Variants in PTPN6 observed in about 807,000 individuals in gnomAD.
The protein encoded by PTPN6 is tyrosine-protein phosphatase non-receptor type 6.
Under a neutral mutation model 81.5 loss-of-function variants are expected in PTPN6, and 18 were observed. The observed-to-expected ratio is 0.22, with a 90% CI of 0.15 to 0.33. PTPN6 has a LOEUF of 0.33. PTPN6 is among the 10% of genes least tolerant of loss of function. The probability of loss-of-function intolerance (pLI) is 1.00; values close to 1 mark genes in which losing one functional copy is unlikely to be tolerated. For missense variants in PTPN6, 500 were observed against 794.2 expected (o/e 0.63, Z 4.45); for synonymous variants, 301 against 310.9 (o/e 0.97, Z 0.33).
In PTPN6 at chr12:6,959,466, C is replaced by A; in HGVS notation, c.1362-461C>A. On this transcript the variant is annotated intron_variant, in intron 11 of 15. Coordinates refer to ENST00000318974, the MANE Select transcript of PTPN6 (RefSeq NM_002831.6). The surrounding 1 kb of genome is among the most constrained non-coding windows in gnomAD (Gnocchi z 6.6). ...GTCCCCTGACCCTGTGCCCCCGCAC[C>A]CTGCTGTCTCAGGGCTATCCTTTCC... 3.8e-6 allele frequency: 1 copy of A among 265,084 alleles called. No homozygotes were observed. Among genetic ancestry groups the A allele is most frequent in the East Asian group, 1.0e-4 (1 of 9,860 alleles). The allele number at this position is 265,084 out of a possible 1,614,324, so 16.4% of individuals were successfully genotyped here.
In PTPN6 at chr12:6,959,623, C is replaced by G. The variant is rs376256848; in HGVS notation, c.1362-304C>G. The G allele has an allele frequency of 3.3e-3, 1,829 of 552,164 alleles. 28 individuals are homozygous for G. Among genetic ancestry groups the G allele is most frequent in the African/African-American group, 0.031 (1,625 of 52,964 alleles). The allele number at this position is 552,164 out of a possible 1,614,324, so 34.2% of individuals were successfully genotyped here. A position where few individuals can be genotyped will look rare whatever the true frequency, so the allele number is the denominator to read the frequency against. On this transcript the variant is annotated intron_variant, in intron 11 of 15. Transcript: ENST00000318974. The surrounding 1 kb of genome is among the most constrained non-coding windows in gnomAD (Gnocchi z 6.6). The stretch of plus-strand genomic sequence containing the variant: ...GGACAGTGGTGGGATTTGGGGGTCC[C>G]AGGTCTTCCGGGGTGGGGGCAGCCA...
rs782302331 is a variant in PTPN6 at position 6,955,406 on chromosome 12, T to C, written c.668T>C (p.Ile223Thr). Residue 223 changes from isoleucine to threonine, a missense_variant, in exon 6 of 16, where the codon ATT becomes ACT. By Grantham distance (89) the Ile-to-Thr change is moderately conservative (BLOSUM62 -1). Transcript: ENST00000318974. This position sits in a 1 kb window ranked among gnomAD's most constrained non-coding sequence, Gnocchi z 7.2. ...GCCACGAGGGTGAATGCGGCTGACA[T>C]TGAGAACCGAGTGTTGGAACTGAAC... ...YYATRVNAAD[I>T]ENRVLELNKK... is the part of the protein sequence containing the mutation. 6.2e-7 allele frequency: 1 copy of C among 1,614,062 alleles called. No individual in the cohort carries two copies. The highest frequency in any genetic ancestry group is 8.5e-7 in the Non-Finnish European group (1 of 1,179,996).
chr12:6,955,056 G>A lies in PTPN6; in HGVS notation c.516+62G>A. On this transcript the variant is annotated intron_variant, in intron 4 of 15. Transcript: ENST00000318974. The surrounding 1 kb of genome is among the most constrained non-coding windows in gnomAD (Gnocchi z 7.2). ...GCTCCTGTCTGTGACCACAGTGTGG[G>A]TGGCAGGGAGGGTCTGCCTGGGCTT... The A allele has an allele frequency of 1.9e-6, 3 of 1,609,462 alleles. No homozygotes were observed. In the South Asian group the frequency reaches 3.3e-5, roughly 18 times the overall value.
Position 6,952,282 on chromosome 12 carries a change from ATCCCC to A in PTPN6, c.326+115_326+119del. 5 of 1,367,282 alleles carry A rather than the reference ATCCCC, an allele frequency of 3.7e-6. No homozygotes were observed. The highest frequency in any genetic ancestry group is 4.1e-6 in the Non-Finnish European group (4 of 967,996). 84.7% of individuals were successfully genotyped at this position (1,367,282 alleles called of 1,614,324 possible). ...TGGCAGCCGGCGCTGCCTACCCTCC[ATCCCC>A]TCCCCTCCCTGCACCAGCTGGGGCT... is the stretch of plus-strand genomic sequence containing the variant. On this transcript the variant is annotated intron_variant, in intron 3 of 15. Coordinates refer to ENST00000318974, the MANE Select transcript of PTPN6 (RefSeq NM_002831.6). This position sits in a 1 kb window ranked among gnomAD's most constrained non-coding sequence, Gnocchi z 8.1.
Position 6,955,686 on chromosome 12 carries a change from C to G in PTPN6, c.774C>G (p.Asn258Lys). Residue 258 changes from asparagine (N) to lysine (K), a missense_variant, in exon 7 of 16, where the codon AAC becomes AAG. Coordinates refer to ENST00000318974, the MANE Select transcript of PTPN6 (RefSeq NM_002831.6). The surrounding 1 kb of genome is among the most constrained non-coding windows in gnomAD (Gnocchi z 7.2). ...FESLQKQEVK[N>K]LHQRLEGQRP... ...GTTTGCAGAAGCAGGAGGTGAAGAACTTGCACCAGCGTCTGGAAGGGCAGC... is the reference window on the plus strand; with the variant it reads ...GTTTGCAGAAGCAGGAGGTGAAGAAGTTGCACCAGCGTCTGGAAGGGCAGC... 6.2e-7 allele frequency: 1 copy of G among 1,614,044 alleles called. No individual in the cohort carries two copies. The highest frequency in any genetic ancestry group is 8.5e-7 in the Non-Finnish European group (1 of 1,179,998).
intron 3 of PTPN6, chr12:6,953,669 T>C (rs1351636389): frequency 1.3e-5 from 2 of 152,630 alleles, no homozygotes; most frequent in Admixed American, 6.5e-5. Context: ...GGCTCTGCGC[T>C]TCCTGTGGTC....
Position 6,959,483 on chromosome 12 carries a change from A to C in PTPN6, c.1362-444A>C. 3.5e-6 allele frequency: 1 copy of C among 289,682 alleles called. No individual in the cohort carries two copies. The highest frequency in any genetic ancestry group is 6.8e-6 in the Non-Finnish European group (1 of 147,258). The allele number at this position is 289,682 out of a possible 1,614,324, so 17.9% of individuals were successfully genotyped here. A position where few individuals can be genotyped will look rare whatever the true frequency, so the allele number is the denominator to read the frequency against. On this transcript the variant is annotated intron_variant, in intron 11 of 15. Transcript: ENST00000318974. This position sits in a 1 kb window ranked among gnomAD's most constrained non-coding sequence, Gnocchi z 6.6. ...CCCCGCACCCTGCTGTCTCAGGGCTATCCTTTCCCTGACGTCAGGGTTTGA... is the reference window on the plus strand; with the variant it reads ...CCCCGCACCCTGCTGTCTCAGGGCTCTCCTTTCCCTGACGTCAGGGTTTGA...
Position 6,960,959 on chromosome 12 carries a change from G to T in PTPN6, c.*25+14G>T. The T allele has an allele frequency of 6.4e-7, 1 of 1,553,754 alleles. No individual in the cohort carries two copies. The highest frequency in any genetic ancestry group is 8.7e-7 in the Non-Finnish European group (1 of 1,148,776). ...CAGGTGGCCATGGTACAGCTCTTCT[G>T]CCTGGGTGTCCTCCCTGCCCTGCCC... On this transcript the variant is annotated intron_variant, in intron 15 of 15. Transcript: ENST00000318974. This position sits in a 1 kb window ranked among gnomAD's most constrained non-coding sequence, Gnocchi z 6.1.
In PTPN6 at chr12:6,951,833, C is replaced by T. The variant is rs781992828; in HGVS notation, c.131+102C>T. 166 of 1,587,994 alleles carry T rather than the reference C, an allele frequency of 1.0e-4. No homozygotes were observed. Among genetic ancestry groups the T allele is most frequent in the African/African-American group, 1.0e-3 (76 of 74,598 alleles). On this transcript the variant is annotated intron_variant, in intron 2 of 15. Coordinates refer to ENST00000318974, the MANE Select transcript of PTPN6 (RefSeq NM_002831.6). The surrounding 1 kb of genome is among the most constrained non-coding windows in gnomAD (Gnocchi z 7.2). ...GTTCCCCGTGGCAGTGCTGACTCCC[C>T]GTCTGTTCCCTTGCCCCCAACCCCC...
rs371725516 is a variant in PTPN6, at chr12:6,960,267, G to C, written c.1581+28G>C. The C allele has an allele frequency of 4.0e-4, 646 of 1,607,112 alleles. 2 individuals carry two copies. The highest frequency in any genetic ancestry group is 4.9e-4 in the Non-Finnish European group (582 of 1,178,572). Reference sequence around the variant, plus strand: ...GCGTGCAGAGCAGGGCCTGGGGGGGGGGGGGGCTGCAGTGCAGGATGGGTG... The same window carrying C: ...GCGTGCAGAGCAGGGCCTGGGGGGGCGGGGGGCTGCAGTGCAGGATGGGTG... On this transcript the variant is annotated intron_variant, in intron 13 of 15. Transcript: ENST00000318974. The surrounding 1 kb of genome is among the most constrained non-coding windows in gnomAD (Gnocchi z 6.1).
intron 11 of PTPN6, among the ~76,000 whole-genome samples, chr12:6,958,944 C>T (rs782412807): frequency 1.3e-5 from 2 of 152,324 alleles, no homozygotes; most frequent in East Asian, 1.9e-4. Flanking sequence ...AAAAACTGGG[C>T]GCTGTTACTA....
In PTPN6 at chr12:6,960,727, C is replaced by T; in HGVS notation, c.1674-79C>T. ...TGTGAGACGGGGTGGCCAGAGGGGA[C>T]TGCCAGTGCCGGGTCCCCCTGTGCT... is the stretch of plus-strand genomic sequence containing the variant. On this transcript the variant is annotated intron_variant, in intron 14 of 15. Coordinates refer to ENST00000318974, the MANE Select transcript of PTPN6 (RefSeq NM_002831.6). The surrounding 1 kb of genome is among the most constrained non-coding windows in gnomAD (Gnocchi z 6.1). 6.4e-7 allele frequency: 1 copy of T among 1,551,518 alleles called. No individual in the cohort carries two copies. The highest frequency in any genetic ancestry group is 8.7e-7 in the Non-Finnish European group (1 of 1,146,970).
In PTPN6 at chr12:6,956,296, C is replaced by T; in HGVS notation, c.924+75C>T. The T allele has an allele frequency of 6.2e-7, 1 of 1,609,708 alleles. No individual in the cohort carries two copies. Among genetic ancestry groups the T allele is most frequent in the South Asian group, 1.1e-5 (1 of 90,982 alleles). On this transcript the variant is annotated intron_variant, in intron 8 of 15. Coordinates refer to ENST00000318974, the MANE Select transcript of PTPN6 (RefSeq NM_002831.6). The surrounding 1 kb of genome is among the most constrained non-coding windows in gnomAD (Gnocchi z 4.1). ...CTGTCTGGTGGGGGGACCCTAGATC[C>T]AGAGACAGCTGGGCAAAGCCGAAGC...
upstream of PTPN6, among the ~76,000 whole-genome samples, chr12:6,947,826 T>A (rs1013426457): frequency 1.4e-4 from 22 of 152,094 alleles, no homozygotes; most frequent in African/African-American, 5.3e-4. Flanking sequence ...GCTGGCCATG[T>A]GACGTAGTGA....
In PTPN6 at chr12:6,956,423, A is replaced by G. The variant is rs1555148695; in HGVS notation, c.929A>G (p.Gln310Arg). Residue 310 changes from glutamine to arginine, a missense_variant, in exon 9 of 16, where the codon CAG becomes CGG. Gln to Arg is a conservative substitution (Grantham distance 43). This residue lies in a region of PTPN6 where 226 missense variants were observed against 364.4 expected (regional missense o/e 0.62). Coordinates refer to ENST00000318974, the MANE Select transcript of PTPN6 (RefSeq NM_002831.6). This position sits in a 1 kb window ranked among gnomAD's most constrained non-coding sequence, Gnocchi z 4.1. ...TCTCTCCACGCTTGCGTCCAGAACC[A>G]GCTGCTAGGCCCTGATGAGAACGCT... ...DYINANYIKN[Q>R]LLGPDENAKT... 6.2e-7 allele frequency: 1 copy of G among 1,614,124 alleles called. No homozygotes were observed. The highest frequency in any genetic ancestry group is 8.5e-7 in the Non-Finnish European group (1 of 1,180,018).
At chr12:6,948,964 AAAG>A (rs1262704993), upstream of PTPN6, among the ~76,000 whole-genome samples, 1 of 151,778 alleles carries the variant, frequency 6.6e-6, no homozygotes, top group Non-Finnish European at 1.5e-5. Context: ...AAAAAAAAGA[AAAG>A]AAAAAGTGAC....
At chr12:6,958,523 C>T (rs73262895) in intron 11 of PTPN6, among the ~76,000 whole-genome samples, 3,255 of 152,378 alleles carry the variant, frequency 0.021, 121 homozygotes, top group African/African-American at 0.074. Context: ...CCATCGGTAG[C>T]CGCAGGGCTT....
Position 6,959,705 on chromosome 12 carries a change from TGGGGAGCCA to T in PTPN6, c.1362-220_1362-212del. ...TGGAGGAGGGAAGGATGGTGGCAGC[TGGGGAGCCA>T]GCGTCAGCACCGCAGAGCCCGAGGT... On this transcript the variant is annotated intron_variant, in intron 11 of 15. Transcript: ENST00000318974. This position sits in a 1 kb window ranked among gnomAD's most constrained non-coding sequence, Gnocchi z 6.6. 1 of 607,356 alleles carries T rather than the reference TGGGGAGCCA, an allele frequency of 1.6e-6. No homozygotes were observed. The highest frequency in any genetic ancestry group is 1.9e-5 in the South Asian group (1 of 52,446). 37.6% of individuals were successfully genotyped at this position (607,356 alleles called of 1,614,324 possible). A position where few individuals can be genotyped will look rare whatever the true frequency, so the allele number is the denominator to read the frequency against.
Position 6,951,761 on chromosome 12 carries a change from T to G in PTPN6, c.131+30T>G. 2 of 1,608,018 alleles carry G rather than the reference T, an allele frequency of 1.2e-6. No individual in the cohort carries two copies. The highest frequency in any genetic ancestry group is 8.5e-7 in the Non-Finnish European group (1 of 1,179,942). Reference sequence around the variant, plus strand: ...GTGGGCCCCCCGCAACCCCGGGCATTTTGGCCACTCTCTTGTGCCATCCAG... The same window carrying G: ...GTGGGCCCCCCGCAACCCCGGGCATGTTGGCCACTCTCTTGTGCCATCCAG... On this transcript the variant is annotated intron_variant, in intron 2 of 15. Transcript: ENST00000318974. The surrounding 1 kb of genome is among the most constrained non-coding windows in gnomAD (Gnocchi z 7.2).
Sources: allele counts gnomAD v4.1 joint callset (sites outside exome capture counted in the v4.1 genomes callset), GRCh38; gene constraint gnomAD v4.1.1; regional missense constraint gnomAD v4.1.1; non-coding constraint Gnocchi (gnomAD v3.1); transcripts MANE v1.5; gene names NCBI Gene and HGNC (gene_info 2026-07-23, HGNC 2026-07-21).